KDM4C: variants seen among roughly 807,000 people sequenced by gnomAD.
KDM4C encodes lysine demethylase 4C.
KDM4C carries 81 observed loss-of-function variants against 129.3 expected under a neutral mutation model. The ratio of observed to expected loss-of-function variants is 0.63; its 90% CI spans 0.52 to 0.75. The LOEUF is 0.75. Among genes scored for constraint, KDM4C ranks in the 30% least tolerant of loss-of-function variants. The pLI is 0.00. For synonymous variants in KDM4C, 573 were observed against 456.1 expected (o/e 1.26, Z -3.26); for missense variants, 1,457 against 1,304.0 (o/e 1.12, Z -1.81).
In KDM4C at chr9:6,837,337, G is replaced by A. The variant is rs148380860; in HGVS notation, c.436-12170G>A. On this transcript the variant is annotated intron_variant, in intron 4 of 21. Transcript: ENST00000381309. ...CTTCCAAAGTATTACGATTACAGGC[G>A]TGTGCTACTCTGCCCAGCTTATAAT... Among the ~76,000 whole-genome samples the A allele has an allele frequency of 2.9e-3, 437 of 152,286 alleles. 5 individuals carry two copies. The highest frequency in any genetic ancestry group is 9.9e-3 in the African/African-American group (411 of 41,534).
intron 19 of KDM4C, among the ~76,000 whole-genome samples, chr9:7,144,279 C>G (rs1226269047): frequency 6.6e-6 from 1 of 152,106 alleles, no homozygotes; most frequent in East Asian, 1.9e-4. Flanking sequence ...GGCCACTCCT[C>G]AGTTTCTGAA....
chr9:7,059,234 G>GT (rs1448248618), intron 17 of KDM4C, among the ~76,000 whole-genome samples: 1 of 152,118 alleles, frequency 6.6e-6, no homozygotes, highest in East Asian at 1.9e-4. Flanking sequence ...ATTGCAGCCT[G>GT]TATCTCCTGG....
intron 5 of KDM4C, among the ~76,000 whole-genome samples, chr9:6,874,931 T>TAAAAAAAAAA (rs34854547): frequency 7.5e-6 from 1 of 133,038 alleles, no homozygotes. Context: ...TCTCTACAGT[T>TAAAAAAAAAA]AAAAAAAAAA....
At chr9:6,952,012 A>T (rs1017974132) in intron 8 of KDM4C, among the ~76,000 whole-genome samples, 10 of 152,156 alleles carry the variant, frequency 6.6e-5, no homozygotes, top group Non-Finnish European at 1.5e-4. Context: ...GCTCATATTT[A>T]AAAAATATAA....
intron 17 of KDM4C, among the ~76,000 whole-genome samples, chr9:7,073,229 A>G (rs1458576934): frequency 6.6e-6 from 1 of 152,218 alleles, no homozygotes. Context: ...CTGTAGCTAA[A>G]ATCCTACTGC....
At chr9:6,739,958 T>C (rs1344668983) in intron 1 of KDM4C, among the ~76,000 whole-genome samples, 1 of 151,902 alleles carries the variant, frequency 6.6e-6, no homozygotes, top group African/African-American at 2.4e-5. Flanking sequence ...GGTGTGATCT[T>C]GGCTCACTGA....
intron 15 of KDM4C, among the ~76,000 whole-genome samples, chr9:7,036,653 A>G (rs1827699010): frequency 1.3e-5 from 2 of 152,226 alleles, no homozygotes; most frequent in Non-Finnish European, 2.9e-5. Context: ...AAGAAAAACT[A>G]AATTTCTGTA....
intron 8 of KDM4C, among the ~76,000 whole-genome samples, chr9:6,905,631 C>T (rs1818181531): frequency 6.6e-6 from 1 of 152,132 alleles, no homozygotes; most frequent in Non-Finnish European, 1.5e-5. Context: ...AGATAACTGC[C>T]GTTCTCAGAT....
intron 19 of KDM4C, among the ~76,000 whole-genome samples, chr9:7,146,509 C>T (rs1424469190): frequency 6.6e-6 from 1 of 152,122 alleles, no homozygotes; most frequent in Non-Finnish European, 1.5e-5. Flanking sequence ...CATATAGTTG[C>T]CAATAATCTG....
At chr9:7,072,616 G>T (rs1833360790) in intron 17 of KDM4C, among the ~76,000 whole-genome samples, 1 of 152,174 alleles carries the variant, frequency 6.6e-6, no homozygotes, top group African/African-American at 2.4e-5. Flanking sequence ...CCTTATGCAT[G>T]GGTGGAGTCA....
At chr9:7,043,123 ATTAC>A (rs1189943735) in intron 15 of KDM4C, among the ~76,000 whole-genome samples, 1 of 152,048 alleles carries the variant, frequency 6.6e-6, no homozygotes, top group Admixed American at 6.6e-5. Context: ...GAAATAATAA[ATTAC>A]TTAATAAGTT....
At chr9:6,771,924 C>G (rs1475696206) in intron 1 of KDM4C, among the ~76,000 whole-genome samples, 2 of 152,124 alleles carry the variant, frequency 1.3e-5, no homozygotes, top group Non-Finnish European at 2.9e-5. Context: ...GTAGCTCTTG[C>G]AGGTGTTGGG....
intron 18 of KDM4C, among the ~76,000 whole-genome samples, chr9:7,115,798 G>C (rs758191551): frequency 9.9e-5 from 15 of 152,250 alleles, no homozygotes; most frequent in Non-Finnish European, 1.8e-4. Context: ...CAGGAAGCCA[G>C]TGATTCCAGA....
chr9:6,946,816 G>C (rs1298531039), intron 8 of KDM4C, among the ~76,000 whole-genome samples: 1 of 151,366 alleles, frequency 6.6e-6, no homozygotes, highest in Non-Finnish European at 1.5e-5. Flanking sequence ...CTCTTTAATT[G>C]AATTATTAAA....
At chr9:6,829,568 C>A (rs1448876293) in intron 4 of KDM4C, among the ~76,000 whole-genome samples, 4 of 152,198 alleles carry the variant, frequency 2.6e-5, no homozygotes, top group Admixed American at 2.6e-4. Context: ...GAAGCTCAGA[C>A]TGAATGTTAG....
intron 4 of KDM4C, among the ~76,000 whole-genome samples, chr9:6,833,921 C>G (rs1177722020): frequency 6.6e-6 from 1 of 152,132 alleles, no homozygotes; most frequent in Non-Finnish European, 1.5e-5. Flanking sequence ...TTAGGAGTCA[C>G]TGCTTAAGAA....
chr9:6,804,610 T>A (rs1373505906), intron 2 of KDM4C, among the ~76,000 whole-genome samples: 13 of 151,672 alleles, frequency 8.6e-5, no homozygotes, highest in Non-Finnish European at 4.4e-5. Flanking sequence ...ATACAAAAAT[T>A]AGCTGGGCGT....
At chr9:6,956,286 G>A (rs1473753273) in intron 8 of KDM4C, among the ~76,000 whole-genome samples, 1 of 152,194 alleles carries the variant, frequency 6.6e-6, no homozygotes, top group Admixed American at 6.5e-5. Flanking sequence ...ATAAATGCTT[G>A]AGGGGATGGA....
At chr9:7,073,898 C>T (rs1200914712) in intron 17 of KDM4C, among the ~76,000 whole-genome samples, 1 of 152,136 alleles carries the variant, frequency 6.6e-6, no homozygotes, top group African/African-American at 2.4e-5. Flanking sequence ...ATACATCTAT[C>T]ATCTAATAAA....
Sources: gnomAD v4.1 joint callset for allele counts (sites outside exome capture counted in the v4.1 genomes callset) on GRCh38, gnomAD v4.1.1 for gene constraint, MANE v1.5 for transcripts, NCBI Gene and HGNC (gene_info 2026-07-23, HGNC 2026-07-21) for gene names.